Variants in ST6GALNAC1 observed in about 807,000 individuals in gnomAD.
ST6GALNAC1 encodes ST6 N-acetylgalactosaminide alpha-2,6-sialyltransferase 1.
In ST6GALNAC1, 45 loss-of-function variants were observed where a neutral mutation model predicts 56.8. The observed-to-expected ratio is 0.79, with a 90% CI of 0.62 to 1.02. The LOEUF (loss-of-function observed/expected upper bound fraction) is 1.02. Among genes scored for constraint, ST6GALNAC1 ranks in the 50% least tolerant of loss-of-function variants. The pLI, the probability that ST6GALNAC1 is intolerant of heterozygous loss-of-function variation, is 0.00. For missense variants in ST6GALNAC1, 743 were observed against 754.8 expected (o/e 0.98, Z 0.18); for synonymous variants, 295 against 297.8 (o/e 0.99, Z 0.10).
intron 1 of ST6GALNAC1, among the ~76,000 whole-genome samples, chr17:76,631,615 T>A (rs2075902002): frequency 6.6e-6 from 1 of 152,088 alleles, no homozygotes. Flanking sequence ...ACTCTTTCTG[T>A]CTCTGCAGAC....
chr17:76,642,917 C>T (rs954796095), intron 1 of ST6GALNAC1, among the ~76,000 whole-genome samples: 4 of 124,172 alleles, frequency 3.2e-5, no homozygotes, highest in African/African-American at 9.9e-5. Flanking sequence ...AGTGAGACTC[C>T]GTCTCAAAAA....
the ST6GALNAC1 span, among the ~76,000 whole-genome samples, chr17:76,619,638 G>T: frequency 2.0e-5 from 3 of 151,216 alleles, no homozygotes; most frequent in African/African-American, 7.3e-5. Flanking sequence ...ACCAACTAGA[G>T]TTCAATGTTT....
chr17:76,637,629 AG>A, intron 1 of ST6GALNAC1: 1 of 398,938 alleles, frequency 2.5e-6, no homozygotes, highest in Non-Finnish European at 4.4e-6. Flanking sequence ...GAAAGAGCCA[AG>A]GGGCAGGAAC....
chr17:76,617,819 G>T, the ST6GALNAC1 span, among the ~76,000 whole-genome samples: 4 of 152,094 alleles, frequency 2.6e-5, no homozygotes, highest in East Asian at 3.9e-4. Context: ...AATAACTTCA[G>T]ACTGGAGTTG....
At chr17:76,630,586 C>CTT (rs201145440) in intron 1 of ST6GALNAC1, among the ~76,000 whole-genome samples, 18 of 137,398 alleles carry the variant, frequency 1.3e-4, no homozygotes, top group African/African-American at 2.2e-4. Flanking sequence ...TGAAACCCTT[C>CTT]TTTTTTTTTT....
intron 1 of ST6GALNAC1, among the ~76,000 whole-genome samples, chr17:76,640,424 G>A (rs1034110085): frequency 3.3e-5 from 5 of 152,170 alleles, no homozygotes; most frequent in Non-Finnish European, 5.9e-5. Context: ...CATCTGCTGG[G>A]AAGGCCAGGC....
At chr17:76,628,958 A>T (rs2075850752) in intron 2 of ST6GALNAC1, 54 bp downstream of exon 2, 2 of 1,487,414 alleles carry the variant, frequency 1.3e-6, no homozygotes, top group Admixed American at 2.3e-5. Flanking sequence ...GCTTCCTCTC[A>T]GGAGGGGCTT....
chr17:76,625,727 C>T (rs2075787826), intron 8 of ST6GALNAC1, 92 bp downstream of exon 8: 2 of 1,252,436 alleles, frequency 1.6e-6, no homozygotes, highest in Non-Finnish European at 2.2e-6. Flanking sequence ...GATGTGGGCA[C>T]CCAGCCCATG....
downstream of ST6GALNAC1, among the ~76,000 whole-genome samples, chr17:76,622,252 C>CTATATATATATA (rs143088443): frequency 6.7e-6 from 1 of 148,586 alleles, no homozygotes; most frequent in Non-Finnish European, 1.5e-5. Flanking sequence ...AAGTCCTTTA[C>CTATATATATATA]TATATATATA....
At chr17:76,638,056 G>A (rs2076000363) in intron 1 of ST6GALNAC1, among the ~76,000 whole-genome samples, 1 of 149,716 alleles carries the variant, frequency 6.7e-6, no homozygotes. Context: ...AGAACATAAA[G>A]TGACAACAAG....
intron 1 of ST6GALNAC1, among the ~76,000 whole-genome samples, chr17:76,634,483 C>T (rs534766383): frequency 5.9e-5 from 9 of 152,264 alleles, no homozygotes; most frequent in Admixed American, 1.3e-4. Flanking sequence ...TTGGTGTCCA[C>T]GAGGGCTATT....
At position 76,626,088 on chromosome 17, in the gene ST6GALNAC1, G is replaced by T. The variant is rs1002000581; in HGVS notation, c.1423C>A (p.Pro475Thr). 3 of 1,614,006 alleles carry T rather than the reference G, an allele frequency of 1.9e-6. No homozygotes were observed. Among genetic ancestry groups the T allele is most frequent in the Admixed American group, 3.3e-5 (2 of 59,998 alleles). The change falls in exon 7 of 9, where the codon CCC (proline) becomes ACC (threonine). Residue 475 changes from proline to threonine, a missense_variant. Pro to Thr is a conservative substitution (Grantham distance 38). Transcript: ENST00000156626. ...AGGGCTTCCCGAAAAGCTTCCTGGG[G>T]TCTGTGCCTGTGGTTAGGAAGGGGT... ...SKNLFWFRHR[P>T]QEAFREALHM...
At chr17:76,628,609 G>A (rs2075845674) in intron 2 of ST6GALNAC1, among the ~76,000 whole-genome samples, 1 of 152,146 alleles carries the variant, frequency 6.6e-6, no homozygotes, top group Admixed American at 6.5e-5. Context: ...CTGGGCATGA[G>A]GTTGGGGTGT....
chr17:76,630,163 A>C (rs1238624688), intron 1 of ST6GALNAC1, among the ~76,000 whole-genome samples: 2 of 152,196 alleles, frequency 1.3e-5, no homozygotes, highest in Non-Finnish European at 2.9e-5. Flanking sequence ...CTCATCCGAC[A>C]AACGTTTACT....
chr17:76,643,625 AG>A lies in ST6GALNAC1; in HGVS notation c.13del (p.Leu5CysfsTer7). MRSC[L>X]WRCRHLSQGV... ...TTGGCTCAGGTGCCTGCATCTCCAC[AG>A]GCAGGACCTCATGGTGGTGGGTCGG... On this transcript the variant is annotated frameshift_variant, in exon 1 of 9. Coordinates refer to ENST00000156626, the MANE Select transcript of ST6GALNAC1 (RefSeq NM_018414.5). LOFTEE classifies it high-confidence loss of function. 1 of 1,614,030 alleles carries A rather than the reference AG, an allele frequency of 6.2e-7. No individual in the cohort carries two copies. Among genetic ancestry groups the A allele is most frequent in the Admixed American group, 1.7e-5 (1 of 60,014 alleles).
chr17:76,629,727 A>G lies in ST6GALNAC1; in HGVS notation c.132-16T>C. ...GCGTTGATGCCTAGGGACAGAGATAACCTTTGATGAAGGCTGAAGATTGTG... is the reference window on the plus strand; with the variant it reads ...GCGTTGATGCCTAGGGACAGAGATAGCCTTTGATGAAGGCTGAAGATTGTG... On this transcript the variant is annotated splice_polypyrimidine_tract_variant and intron_variant, in intron 1 of 8. Coordinates refer to ENST00000156626, the MANE Select transcript of ST6GALNAC1 (RefSeq NM_018414.5). 6.3e-7 allele frequency: 1 copy of G among 1,592,286 alleles called. No individual in the cohort carries two copies. The highest frequency in any genetic ancestry group is 8.6e-7 in the Non-Finnish European group (1 of 1,164,952).
intron 1 of ST6GALNAC1, chr17:76,641,882 A>G (rs934746216): frequency 6.6e-6 from 1 of 152,136 alleles, no homozygotes; most frequent in Non-Finnish European, 1.5e-5. Context: ...TGTCCATGAT[A>G]TAGTGTGACT....
In ST6GALNAC1 at chr17:76,626,776, G is replaced by C. The variant is rs143128957; in HGVS notation, c.1186C>G (p.Leu396Val). 3 of 1,614,040 alleles carry C rather than the reference G, an allele frequency of 1.9e-6. No individual in the cohort carries two copies. The highest frequency in any genetic ancestry group is 2.5e-6 in the Non-Finnish European group (3 of 1,180,060). ...ACATCCTGTTCGTAGCCTTTAATGA[G>C]AGCTCCGCTCAATCTGTGCAGAAAG... ...HDYVFRLSGALIKGYEQDVGT... is the reference protein window; with the variant it reads ...HDYVFRLSGAVIKGYEQDVGT... Residue 396 changes from leucine (L) to valine (V), a missense_variant, in exon 5 of 9, where the codon CTC (leucine) becomes GTC (valine). Leu to Val is a conservative substitution (Grantham distance 32, BLOSUM62 1). Transcript: ENST00000156626.
At position 76,643,586 on chromosome 17, in the gene ST6GALNAC1, G is replaced by T; in HGVS notation, c.53C>A (p.Ser18Tyr). 1 of 1,614,104 alleles carries T rather than the reference G, an allele frequency of 6.2e-7. No individual in the cohort carries two copies. Residue 18 changes from serine (S) to tyrosine (Y), a missense_variant, in exon 1 of 9, where the codon TCC (serine) becomes TAC (tyrosine). Transcript: ENST00000156626. ...CRHLSQGVQW[S>Y]LLLAVLVFFL... Reference sequence around the variant, plus strand: ...GAAGACCAGGACAGCCAGAAGCAAGGACCACTGGACGCCTTGGCTCAGGTG... The same window carrying T: ...GAAGACCAGGACAGCCAGAAGCAAGTACCACTGGACGCCTTGGCTCAGGTG...
Sources: allele counts gnomAD v4.1 joint callset (sites outside exome capture counted in the v4.1 genomes callset), GRCh38; gene constraint gnomAD v4.1.1; transcripts MANE v1.5; gene names NCBI Gene and HGNC (gene_info 2026-07-23, HGNC 2026-07-21).